The following UTRN variants were observed in gnomAD, a reference collection of about 807,000 sequenced individuals.
UTRN encodes dystrophin-related protein 1.
In UTRN, 283 loss-of-function variants were observed where a neutral mutation model predicts 463.9. That is an observed-to-expected ratio of 0.61 (90% CI 0.55 to 0.67). The LOEUF (loss-of-function observed/expected upper bound fraction) is 0.67. Among genes scored for constraint, UTRN ranks in the 30% least tolerant of loss-of-function variants. UTRN has a pLI of 0.00. For missense variants in UTRN, 3,922 were observed against 4,084.3 expected, an observed-to-expected ratio of 0.96 and a Z score of 1.08; for synonymous variants, 1,442 against 1,431.5, an observed-to-expected ratio of 1.01 and a Z score of -0.17.
At chr6:144,338,830 G>C (rs1776929686) in intron 2 of UTRN, among the ~76,000 whole-genome samples, 1 of 152,196 alleles carries the variant, frequency 6.6e-6, no homozygotes, top group South Asian at 2.1e-4. Flanking sequence ...CCGAAAACCA[G>C]AAGGTGTTTT....
chr6:144,839,020 A>C (rs1453239824), intron 71 of UTRN, 153 bp from the exon 72 acceptor site: 7 of 565,786 alleles, frequency 1.2e-5, no homozygotes, highest in Non-Finnish European at 2.1e-5. Flanking sequence ...GCCCCCACCA[A>C]GCTGATGCTA....
intron 23 of UTRN, among the ~76,000 whole-genome samples, chr6:144,465,445 C>T (rs1789853633): frequency 6.6e-6 from 1 of 152,176 alleles, no homozygotes; most frequent in Non-Finnish European, 1.5e-5. Context: ...AAATATCCAA[C>T]ATCAAGGGTG....
intron 51 of UTRN, among the ~76,000 whole-genome samples, chr6:144,675,365 G>T (rs538177525): frequency 1.3e-5 from 2 of 152,312 alleles, no homozygotes; most frequent in East Asian, 1.9e-4. Flanking sequence ...GGCTGCAGGG[G>T]AGTGAAGTGG....
At chr6:144,808,323 G>C (rs931441504) in intron 65 of UTRN, among the ~76,000 whole-genome samples, 16 of 151,870 alleles carry the variant, frequency 1.1e-4, no homozygotes, top group Admixed American at 3.9e-4. Context: ...TGAATTCAGG[G>C]ATTATCATTT....
At chr6:144,429,918 A>T (rs1785647985) in intron 9 of UTRN, among the ~76,000 whole-genome samples, 177 bp downstream of exon 9, 1 of 152,190 alleles carries the variant, frequency 6.6e-6, no homozygotes, top group South Asian at 2.1e-4. Context: ...TGTGTAATAG[A>T]ACACCATAAC....
chr6:144,473,639 G>A (rs1388022757), intron 23 of UTRN, 81 bp from the exon 24 acceptor site: 13 of 1,039,470 alleles, frequency 1.3e-5, no homozygotes, highest in Non-Finnish European at 1.9e-5. Flanking sequence ...AAGTTCCTTT[G>A]TTCCAGTGGC....
intron 2 of UTRN, among the ~76,000 whole-genome samples, chr6:144,327,137 C>T (rs1383023650): frequency 6.6e-6 from 1 of 151,976 alleles, no homozygotes; most frequent in African/African-American, 2.4e-5. Context: ...ACAGATCAGG[C>T]CGACCTTGGC....
chr6:144,582,155 T>A (rs902864715), intron 51 of UTRN, among the ~76,000 whole-genome samples: 2 of 152,190 alleles, frequency 1.3e-5, no homozygotes, highest in East Asian at 3.8e-4. Flanking sequence ...TATAGGACTT[T>A]AAATCGTTGT....
At chr6:144,466,437 A>G (rs1211875211) in intron 23 of UTRN, among the ~76,000 whole-genome samples, 1 of 152,114 alleles carries the variant, frequency 6.6e-6, no homozygotes, top group Non-Finnish European at 1.5e-5. Flanking sequence ...TTGGACCTAC[A>G]TATTTTTATT....
At chr6:144,750,815 C>G (rs1275852977) in intron 55 of UTRN, among the ~76,000 whole-genome samples, 1 of 152,122 alleles carries the variant, frequency 6.6e-6, no homozygotes, top group Non-Finnish European at 1.5e-5. Flanking sequence ...TAGTGAGGGT[C>G]TATTCCCAAG....
chr6:144,741,511 G>C (rs1324442618), intron 54 of UTRN, among the ~76,000 whole-genome samples: 1 of 152,040 alleles, frequency 6.6e-6, no homozygotes, highest in Non-Finnish European at 1.5e-5. Flanking sequence ...TAGATACTCG[G>C]GATACAGTAG....
At chr6:144,696,350 C>T (rs1253085789) in intron 52 of UTRN, among the ~76,000 whole-genome samples, 1 of 152,078 alleles carries the variant, frequency 6.6e-6, no homozygotes, top group Non-Finnish European at 1.5e-5. Context: ...CCATATGTGG[C>T]CTAATGAGCA....
intron 24 of UTRN, among the ~76,000 whole-genome samples, 183 bp from the exon 25 acceptor site, chr6:144,474,421 T>C (rs1310381746): frequency 6.6e-6 from 1 of 152,122 alleles, no homozygotes; most frequent in African/African-American, 2.4e-5. Context: ...ATTTGGCAGA[T>C]GGCTATATCA....
intron 53 of UTRN, among the ~76,000 whole-genome samples, chr6:144,719,925 T>C (rs1372571494): frequency 1.3e-5 from 2 of 152,236 alleles, no homozygotes; most frequent in African/African-American, 2.4e-5. Flanking sequence ...TGGCTTTAGA[T>C]TGAAGAAAGG....
chr6:144,750,565 A>G (rs1450834961), intron 55 of UTRN, among the ~76,000 whole-genome samples: 1 of 152,186 alleles, frequency 6.6e-6, no homozygotes, highest in Non-Finnish European at 1.5e-5. Context: ...ACAATGTAGA[A>G]ATGAGGAAAC....
chr6:144,708,463 C>T, intron 53 of UTRN: 2 of 596,604 alleles, frequency 3.4e-6, no homozygotes, highest in Non-Finnish European at 6.0e-6. Flanking sequence ...CCTCTGACTC[C>T]TCACGCCTTC....
intron 2 of UTRN, among the ~76,000 whole-genome samples, chr6:144,345,814 G>A (rs367952749): frequency 2.0e-5 from 3 of 152,122 alleles, no homozygotes; most frequent in African/African-American, 4.8e-5. Flanking sequence ...GCTACAAAGG[G>A]TCTAGGGTAA....
At chr6:144,368,773 A>G (rs1451363887) in intron 2 of UTRN, among the ~76,000 whole-genome samples, 1 of 151,990 alleles carries the variant, frequency 6.6e-6, no homozygotes, top group East Asian at 1.9e-4. Context: ...CAAAAAAAGA[A>G]AAAAAAAGGA....
intron 64 of UTRN, among the ~76,000 whole-genome samples, chr6:144,798,687 A>G (rs941737674): frequency 6.6e-6 from 1 of 152,206 alleles, no homozygotes; most frequent in African/African-American, 2.4e-5. Context: ...TTGGAAATCT[A>G]TTATGAAACA....
Sources: gnomAD v4.1 joint callset for allele counts (sites outside exome capture counted in the v4.1 genomes callset) on GRCh38, gnomAD v4.1.1 for gene constraint, MANE v1.5 for transcripts, NCBI Gene and HGNC (gene_info 2026-07-23, HGNC 2026-07-21) for gene names.